Variants in MSH4 observed in about 807,000 individuals in gnomAD.
MSH4 encodes mutS homolog 4.
A neutral mutation model predicts 113.7 loss-of-function variants in MSH4; 106 were observed. That is an observed-to-expected ratio of 0.93 (90% CI 0.80 to 1.10). The LOEUF is 1.10. Ranked by LOEUF, MSH4 falls within the 50% of genes least tolerant of loss-of-function variation. MSH4 has a pLI of 0.00. For synonymous variants in MSH4, 368 were observed against 380.2 expected (o/e 0.97, Z 0.37); for missense variants, 1,061 against 1,093.7 (o/e 0.97, Z 0.42).
chr1:75,902,068 T>G (rs1652517436), intron 19 of MSH4, among the ~76,000 whole-genome samples: 1 of 152,132 alleles, frequency 6.6e-6, no homozygotes, highest in African/African-American at 2.4e-5. Flanking sequence ...CTAGCTCAGA[T>G]GTGAACTTCC....
At chr1:75,832,226 A>G (rs1650711848) in intron 7 of MSH4, among the ~76,000 whole-genome samples, 3 of 152,212 alleles carry the variant, frequency 2.0e-5, no homozygotes, top group South Asian at 2.1e-4. Context: ...CCCTCCCAAG[A>G]CTAAACCAGG....
chr1:75,881,820 C>T (rs1651941138), intron 14 of MSH4, among the ~76,000 whole-genome samples: 1 of 151,810 alleles, frequency 6.6e-6, no homozygotes, highest in Admixed American at 6.6e-5. Flanking sequence ...TTTTTATATC[C>T]CAAGTCTATA....
chr1:75,861,618 G>T (rs2347962), intron 8 of MSH4, among the ~76,000 whole-genome samples: 31,963 of 152,162 alleles, frequency 0.21, 3,529 homozygotes, highest in Middle Eastern at 0.28. Flanking sequence ...AAATATTGCT[G>T]CCTGATCCTT....
chr1:75,863,581 C>T (rs1006137079), intron 8 of MSH4, among the ~76,000 whole-genome samples: 3 of 152,096 alleles, frequency 2.0e-5, no homozygotes, highest in African/African-American at 7.2e-5. Context: ...TCTCTCCAAA[C>T]CCATTCCAAA....
chr1:75,898,737 G>T (rs1652439310), intron 18 of MSH4, among the ~76,000 whole-genome samples: 1 of 152,020 alleles, frequency 6.6e-6, no homozygotes, highest in Non-Finnish European at 1.5e-5. Flanking sequence ...AAGTCTCACA[G>T]ATTCAGAGAA....
intron 1 of MSH4, among the ~76,000 whole-genome samples, chr1:75,801,089 T>A (rs1649925414): frequency 6.6e-6 from 1 of 152,218 alleles, no homozygotes; most frequent in African/African-American, 2.4e-5. Flanking sequence ...GATATTAAAA[T>A]TATATGAAAT....
intron 4 of MSH4, among the ~76,000 whole-genome samples, chr1:75,811,535 C>A (rs1391185549): frequency 6.6e-6 from 1 of 152,108 alleles, no homozygotes; most frequent in East Asian, 1.9e-4. Context: ...GTACCTTTTT[C>A]TATAGGGAAT....
chr1:75,877,464 G>T (rs1376175290), intron 10 of MSH4, among the ~76,000 whole-genome samples: 1 of 152,092 alleles, frequency 6.6e-6, no homozygotes, highest in Non-Finnish European at 1.5e-5. Flanking sequence ...CCAGACCTTG[G>T]TTCTGAACTG....
At chr1:75,797,251 G>C (rs949692133) in intron 1 of MSH4, 22 bp downstream of exon 1, 2 of 1,587,968 alleles carry the variant, frequency 1.3e-6, no homozygotes, top group African/African-American at 2.7e-5. Flanking sequence ...TTGGGTGGAG[G>C]AGTCTCCTTG....
chr1:75,811,733 A>T (rs1352645385), intron 4 of MSH4, among the ~76,000 whole-genome samples: 1 of 152,236 alleles, frequency 6.6e-6, no homozygotes, highest in Non-Finnish European at 1.5e-5. Context: ...TTCCTTAGGA[A>T]TGCAAATTAT....
chr1:75,894,026 A>C (rs1652318190), intron 17 of MSH4, among the ~76,000 whole-genome samples: 1 of 152,164 alleles, frequency 6.6e-6, no homozygotes, highest in African/African-American at 2.4e-5. Flanking sequence ...CCATCCTGGA[A>C]GAGTCCAAAT....
intron 19 of MSH4, among the ~76,000 whole-genome samples, chr1:75,910,379 C>G (rs1266022476): frequency 6.6e-6 from 1 of 151,966 alleles, no homozygotes; most frequent in Admixed American, 6.6e-5. Flanking sequence ...TATTTTCATT[C>G]TCCTACCTGT....
In MSH4 at chr1:75,885,915, AAT is replaced by A. The variant is rs1350121028; in HGVS notation, c.2107+2101_2107+2102del. On this transcript the variant is annotated intron_variant, in intron 15 of 19. Transcript: ENST00000263187. Reference sequence around the variant, plus strand: ...ATATGATGTATTATTTAGTATATATAATATATATGATGTATTATATAACATAT... The same window carrying A: ...ATATGATGTATTATTTAGTATATATAATATATGATGTATTATATAACATAT... Among the ~76,000 whole-genome samples the A allele has an allele frequency of 1.1e-4, 4 of 36,352 alleles. 1 individual carries two copies. Among genetic ancestry groups the A allele is most frequent in the African/African-American group, 2.2e-4 (3 of 13,570 alleles). 23.8% of individuals were successfully genotyped at this position (36,352 alleles called of 152,430 possible).
At chr1:75,850,160 T>C (rs995972) in intron 8 of MSH4, among the ~76,000 whole-genome samples, 146,553 of 152,154 alleles carry the variant, frequency 0.96, 70,822 homozygotes, top group East Asian at 1. Flanking sequence ...CTCCTGTTCT[T>C]TATTTCACTG....
At chr1:75,809,202 T>C (rs1031573007) in intron 3 of MSH4, among the ~76,000 whole-genome samples, 47 of 152,220 alleles carry the variant, frequency 3.1e-4, no homozygotes, top group African/African-American at 1.1e-3. Flanking sequence ...ATTATAGGCA[T>C]GAGCCATCGA....
chr1:75,844,090 C>T (rs532153157), intron 7 of MSH4, among the ~76,000 whole-genome samples: 3 of 151,978 alleles, frequency 2.0e-5, no homozygotes, highest in East Asian at 2.0e-4. Context: ...GGATTACAGG[C>T]GTAAGCCACC....
At chr1:75,847,025 G>A (rs1172854091) in intron 7 of MSH4, among the ~76,000 whole-genome samples, 1 of 152,192 alleles carries the variant, frequency 6.6e-6, no homozygotes, top group Non-Finnish European at 1.5e-5. Flanking sequence ...CACATCTGGT[G>A]AGGGCCTTCC....
intron 17 of MSH4, among the ~76,000 whole-genome samples, chr1:75,897,506 G>GT (rs1479988780): frequency 6.6e-6 from 1 of 152,060 alleles, no homozygotes; most frequent in African/African-American, 2.4e-5. Context: ...TTATAGTTAA[G>GT]TTTTTTAAAA....
At chr1:75,836,246 A>G (rs771019354) in intron 7 of MSH4, among the ~76,000 whole-genome samples, 4 of 145,988 alleles carry the variant, frequency 2.7e-5, no homozygotes, top group Non-Finnish European at 6.1e-5. Context: ...TCCTTTTCTC[A>G]CTGCTCTACT....
Sources: gnomAD v4.1 joint callset for allele counts (sites outside exome capture counted in the v4.1 genomes callset) on GRCh38, gnomAD v4.1.1 for gene constraint, MANE v1.5 for transcripts, NCBI Gene and HGNC (gene_info 2026-07-23, HGNC 2026-07-21) for gene names.